KGD4: variants seen among roughly 807,000 people sequenced by gnomAD.
KGD4 encodes alpha-ketoglutarate dehydrogenase component 4.
At chr5:69,222,479 T>C in the KGD4 span, among the ~76,000 whole-genome samples, 1 of 152,170 alleles carries the variant, frequency 6.6e-6, no homozygotes, top group African/African-American at 2.4e-5. Context: ...GCTGGCAAAG[T>C]AGGGAGAGGC....
At chr5:69,228,190 T>C in the KGD4 span, 14 of 1,538,526 alleles carry the variant, frequency 9.1e-6, no homozygotes, top group Non-Finnish European at 1.0e-5. Context: ...TTTTTTTTTT[T>C]TAATTTCAGT....
chr5:69,218,470 A>ATATGTGTGTG, the KGD4 span, among the ~76,000 whole-genome samples: 2 of 148,524 alleles, frequency 1.3e-5, no homozygotes, highest in African/African-American at 4.9e-5. Flanking sequence ...GTGTATATTA[A>ATATGTGTGTG]TGTGTGTGTG....
chr5:69,226,873 A>G, the KGD4 span, among the ~76,000 whole-genome samples: 14 of 151,232 alleles, frequency 9.3e-5, no homozygotes, highest in African/African-American at 3.4e-4. Flanking sequence ...TATTACCTCT[A>G]TTTTATTTTA....
At chr5:69,217,948 A>C in the KGD4 span, 1 of 1,610,790 alleles carries the variant, frequency 6.2e-7, no homozygotes, top group African/African-American at 1.3e-5. Flanking sequence ...CGGGGAGTAA[A>C]GGCGGTGGCA....
At chr5:69,229,483 C>T in the KGD4 span, 3 of 333,374 alleles carry the variant, frequency 9.0e-6, 1 homozygote, top group East Asian at 1.0e-4. Flanking sequence ...TTAATTTACT[C>T]TTGATTATCA....
At chr5:69,228,244 G>A in the KGD4 span, 8 of 1,600,762 alleles carry the variant, frequency 5.0e-6, no homozygotes, top group South Asian at 4.6e-5. Context: ...TCACTCTTCT[G>A]TAATTTCACA....
At chr5:69,217,940 G>A in the KGD4 span, 2 of 1,612,426 alleles carry the variant, frequency 1.2e-6, no homozygotes, top group Non-Finnish European at 1.7e-6. Flanking sequence ...GACGGCGTCG[G>A]GGAGTAAAGG....
the KGD4 span, among the ~76,000 whole-genome samples, chr5:69,227,772 C>T: frequency 6.6e-6 from 1 of 152,154 alleles, no homozygotes. Flanking sequence ...ATTCCACTAA[C>T]TAGAAATTTC....
At chr5:69,227,975 T>C in the KGD4 span, among the ~76,000 whole-genome samples, 1 of 152,308 alleles carries the variant, frequency 6.6e-6, no homozygotes, top group South Asian at 2.1e-4. Context: ...TGTATAAAAA[T>C]TTTAAAGCTA....
At chr5:69,223,071 C>T in the KGD4 span, among the ~76,000 whole-genome samples, 122 of 55,092 alleles carry the variant, frequency 2.2e-3, 2 homozygotes, top group African/African-American at 0.011. Flanking sequence ...TCACGGTGCG[C>T]AGCTTTTTTT....
chr5:69,229,817 C>T, the KGD4 span: 2 of 151,842 alleles, frequency 1.3e-5, no homozygotes, highest in South Asian at 4.1e-4. Context: ...AGAGATCATA[C>T]AAAAGATTCC....
chr5:69,228,538 A>T, the KGD4 span: 2 of 692,654 alleles, frequency 2.9e-6, no homozygotes, highest in South Asian at 4.3e-5. Context: ...CAAGACTATG[A>T]GAAAGAAACC....
chr5:69,225,208 G>T, the KGD4 span, among the ~76,000 whole-genome samples: 1 of 149,292 alleles, frequency 6.7e-6, no homozygotes, highest in African/African-American at 2.5e-5. Flanking sequence ...TGGTTCAAGT[G>T]ATCCTCCCAC....
chr5:69,223,985 A>T, the KGD4 span, among the ~76,000 whole-genome samples: 11 of 149,348 alleles, frequency 7.4e-5, no homozygotes, highest in African/African-American at 2.5e-4. Context: ...GTGAGCCATG[A>T]TTGCGGCACT....
chr5:69,225,209 A>G, the KGD4 span, among the ~76,000 whole-genome samples: 1 of 147,286 alleles, frequency 6.8e-6, no homozygotes, highest in African/African-American at 2.5e-5. Context: ...GGTTCAAGTG[A>G]TCCTCCCACC....
At chr5:69,224,205 A>T in the KGD4 span, among the ~76,000 whole-genome samples, 1 of 152,056 alleles carries the variant, frequency 6.6e-6, no homozygotes, top group East Asian at 1.9e-4. Flanking sequence ...AGCCTGGGTA[A>T]AATGGGGAAA....
the KGD4 span, chr5:69,229,246 C>T: frequency 6.2e-7 from 1 of 1,605,184 alleles, no homozygotes; most frequent in Non-Finnish European, 8.5e-7. Context: ...TGCTGTTTGT[C>T]ATCAGACAAT....
At chr5:69,221,722 T>C in the KGD4 span, among the ~76,000 whole-genome samples, 2 of 152,048 alleles carry the variant, frequency 1.3e-5, no homozygotes, top group African/African-American at 4.8e-5. Context: ...TTTTTAGATA[T>C]AACACCAAAG....
chr5:69,227,876 G>C, the KGD4 span, among the ~76,000 whole-genome samples: 1 of 152,324 alleles, frequency 6.6e-6, no homozygotes, highest in Admixed American at 6.5e-5. Context: ...CACAGGCTGA[G>C]GTGGGATGGC....
Sources: gnomAD v4.1 joint callset for allele counts (sites outside exome capture counted in the v4.1 genomes callset) on GRCh38, gnomAD v4.1.1 for gene constraint, MANE v1.5 for transcripts, NCBI Gene and HGNC (gene_info 2026-07-23, HGNC 2026-07-21) for gene names.